RTL4: variants seen among roughly 807,000 people sequenced by gnomAD.
The protein encoded by RTL4 is retrotransposon Gag-like protein 4.
RTL4 carries 4 observed loss-of-function variants against 5.3 expected under a neutral mutation model. The observed-to-expected ratio is 0.75, with a 90% CI of 0.37 to 1.72. RTL4 has a LOEUF of 1.72. Ranked by LOEUF, RTL4 falls within the 40% of genes most tolerant of loss-of-function variation. The pLI is 0.04. For missense variants in RTL4, 260 were observed against 227.1 expected (o/e 1.14, Z -0.93); for synonymous variants, 98 against 87.3 (o/e 1.12, Z -0.68).
chrX:112,378,383 T>C, the RTL4 span, among the ~76,000 whole-genome samples: 3 of 111,478 alleles, frequency 2.7e-5, no homozygotes, highest in Non-Finnish European at 5.6e-5. Context: ...AGAAGACAGA[T>C]TTCAGGGGAA....
chrX:112,387,195 A>AT, the RTL4 span, among the ~76,000 whole-genome samples: 28 of 102,520 alleles, frequency 2.7e-4, no homozygotes, highest in East Asian at 6.3e-4. Context: ...CCACTTTTTG[A>AT]TTTTTTTTTT....
the RTL4 span, among the ~76,000 whole-genome samples, chrX:112,376,550 CT>C: frequency 8.9e-6 from 1 of 112,034 alleles, no homozygotes; most frequent in East Asian, 2.8e-4. Flanking sequence ...TGATTAGTGC[CT>C]TCCTTTAAGA....
At chrX:112,444,576 G>C in the RTL4 span, among the ~76,000 whole-genome samples, 1 of 111,474 alleles carries the variant, frequency 9.0e-6, no homozygotes. Flanking sequence ...TTCTTTTCTG[G>C]AATAGTTTGA....
At chrX:112,350,141 G>A in the RTL4 span, among the ~76,000 whole-genome samples, 1 of 111,215 alleles carries the variant, frequency 9.0e-6, no homozygotes, top group Non-Finnish European at 1.9e-5. Context: ...TTTGTCTTTG[G>A]TTCTGTTTAT....
chrX:112,121,386 CA>C, the RTL4 span, among the ~76,000 whole-genome samples: 1 of 111,157 alleles, frequency 9.0e-6, no homozygotes. Context: ...ACACTAACAA[CA>C]AAAAGAACAA....
At chrX:112,271,590 C>G in the RTL4 span, among the ~76,000 whole-genome samples, 1 of 111,597 alleles carries the variant, frequency 9.0e-6, no homozygotes, top group African/African-American at 3.3e-5. Flanking sequence ...TAATTCCTGC[C>G]CTTGAGAGTT....
the RTL4 span, among the ~76,000 whole-genome samples, chrX:112,217,605 C>T: frequency 1.8e-5 from 2 of 111,330 alleles, no homozygotes; most frequent in East Asian, 2.8e-4. Context: ...ATGAGATTGT[C>T]GTGAGTAGTA....
the RTL4 span, among the ~76,000 whole-genome samples, chrX:112,197,841 TG>T: frequency 1.0e-3 from 112 of 112,118 alleles, no homozygotes; most frequent in African/African-American, 3.5e-3. Context: ...GGATTGTAGT[TG>T]ACTTAGTGGG....
the RTL4 span, among the ~76,000 whole-genome samples, chrX:112,368,149 AG>A: frequency 8.9e-6 from 1 of 111,772 alleles, no homozygotes; most frequent in Non-Finnish European, 1.9e-5. Flanking sequence ...ATAGATTAGA[AG>A]GGGCAAGACT....
the RTL4 span, among the ~76,000 whole-genome samples, chrX:112,146,760 C>T: frequency 1.8e-5 from 2 of 109,420 alleles, no homozygotes; most frequent in Non-Finnish European, 3.8e-5. Context: ...GAAAGACCTG[C>T]GCTGAGAGAG....
chrX:112,227,476 G>T, the RTL4 span, among the ~76,000 whole-genome samples: 3 of 111,525 alleles, frequency 2.7e-5, no homozygotes, highest in African/African-American at 9.8e-5. Flanking sequence ...AGAGCCAGGG[G>T]TGTCTGAAGG....
At chrX:112,125,020 C>T in the RTL4 span, among the ~76,000 whole-genome samples, 7 of 109,856 alleles carry the variant, frequency 6.4e-5, no homozygotes, top group African/African-American at 2.3e-4. Context: ...CCTGCCTCAG[C>T]CTCCCAAGTA....
chrX:112,235,402 A>T, the RTL4 span, among the ~76,000 whole-genome samples: 14 of 111,360 alleles, frequency 1.3e-4, no homozygotes, highest in Admixed American at 8.6e-4. Flanking sequence ...AGTTCCCAGA[A>T]TGCCTTTGTG....
the RTL4 span, among the ~76,000 whole-genome samples, chrX:112,395,569 C>T: frequency 9.0e-6 from 1 of 110,656 alleles, no homozygotes; most frequent in African/African-American, 3.3e-5. Flanking sequence ...GCTGACAGGC[C>T]ACTATATTAA....
At chrX:112,162,593 A>G in the RTL4 span, among the ~76,000 whole-genome samples, 1 of 111,973 alleles carries the variant, frequency 8.9e-6, no homozygotes, top group East Asian at 2.8e-4. Context: ...TTAAATGGAA[A>G]TAATTCTTTA....
the RTL4 span, among the ~76,000 whole-genome samples, chrX:112,114,492 C>T: frequency 7.2e-5 from 8 of 111,817 alleles, no homozygotes; most frequent in Non-Finnish European, 1.5e-4. Flanking sequence ...TGCCCTAGAC[C>T]ATGTAGGACA....
the RTL4 span, among the ~76,000 whole-genome samples, chrX:112,328,961 G>A: frequency 3.6e-5 from 4 of 111,668 alleles, no homozygotes; most frequent in African/African-American, 9.8e-5. Context: ...TGAAACCAAT[G>A]AGAACAAAGA....
chrX:112,240,789 T>C, the RTL4 span, among the ~76,000 whole-genome samples: 1 of 111,307 alleles, frequency 9.0e-6, no homozygotes. Flanking sequence ...ACGTGTCATC[T>C]ACATTAGGTA....
chrX:112,134,241 C>T, the RTL4 span, among the ~76,000 whole-genome samples: 1 of 111,941 alleles, frequency 8.9e-6, no homozygotes, highest in Non-Finnish European at 1.9e-5. Flanking sequence ...CCCCTCCAAC[C>T]ATATACTCTT....
Sources: allele counts gnomAD v4.1 joint callset (sites outside exome capture counted in the v4.1 genomes callset), GRCh38; gene constraint gnomAD v4.1.1; transcripts MANE v1.5; gene names NCBI Gene and HGNC (gene_info 2026-07-23, HGNC 2026-07-21).